The following HIF1AN variants were observed in gnomAD, a reference collection of about 807,000 sequenced individuals.
HIF1AN encodes the protein hypoxia-inducible factor 1-alpha inhibitor.
HIF1AN carries 21 observed loss-of-function variants against 47.7 expected under a neutral mutation model. That is an observed-to-expected ratio of 0.44 (90% CI 0.31 to 0.63). The LOEUF (loss-of-function observed/expected upper bound fraction) is 0.63, where lower values mean the gene tolerates loss of function less well. Among genes scored for constraint, HIF1AN ranks in the 30% least tolerant of loss-of-function variants. The probability of loss-of-function intolerance (pLI) is 0.07; values close to 1 mark genes in which losing one functional copy is unlikely to be tolerated. For missense variants in HIF1AN, 320 were observed against 432.7 expected (o/e 0.74, Z 2.31); for synonymous variants, 152 against 155.9 (o/e 0.98, Z 0.18).
rs1843088212 is a variant in HIF1AN, at chr10:100,545,842, T to G, written c.724-101T>G. ...ACTTTTTTTAAGGCATCGTTTTTTT[T>G]TTGTTTGTTTGTTTGTTTTTACTGC... is the stretch of plus-strand genomic sequence containing the variant. On this transcript the variant is annotated intron_variant, in intron 4 of 7. Transcript: ENST00000299163. The G allele has an allele frequency of 1.2e-5, 9 of 738,440 alleles. No homozygotes were observed. The South Asian group carries it at 1.5e-4, about 13-fold the overall frequency. 45.7% of individuals were successfully genotyped at this position (738,440 alleles called of 1,614,324 possible).
Position 100,552,247 on chromosome 10 carries a change from A to G in HIF1AN, c.*4110A>G, listed in dbSNP as rs1343251745. Reference sequence around the variant, plus strand: ...AGTGCCTTAGAGGATCCAAGGATGAAGGAATGCGGGTTGGTGGTTCTCTCT... The same window carrying G: ...AGTGCCTTAGAGGATCCAAGGATGAGGGAATGCGGGTTGGTGGTTCTCTCT... On this transcript the variant is annotated 3_prime_UTR_variant, in exon 8 of 8. Coordinates refer to ENST00000299163, the MANE Select transcript of HIF1AN (RefSeq NM_017902.3). 1.3e-5 allele frequency: 2 copies of G among 152,256 alleles called. No individual in the cohort carries two copies. Among genetic ancestry groups the G allele is most frequent in the African/African-American group, 4.8e-5 (2 of 41,458 alleles). 9.4% of individuals were successfully genotyped at this position (152,256 alleles called of 1,614,324 possible).
In HIF1AN at chr10:100,536,061, T is replaced by TA. The variant is rs1248064610; in HGVS notation, c.104dup (p.Tyr35Ter). 2 of 1,612,362 alleles carry TA rather than the reference T, an allele frequency of 1.2e-6. No homozygotes were observed. The highest frequency in any genetic ancestry group is 1.7e-6 in the Non-Finnish European group (2 of 1,179,508). Residue 35 changes from tyrosine (Y) to a stop codon, truncating the protein, a stop_gained and frameshift_variant, in exon 1 of 8, where the codon TAT becomes TAAT. Transcript: ENST00000299163. LOFTEE classifies it high-confidence loss of function. ...CTGGGATGAATCCCAGTTGCGCAGT[T>TA]ATAGCTTCCCGACTAGGCCCATTCC... is the stretch of plus-strand genomic sequence containing the variant. ...PAWDESQLRS[Y>*]SFPTRPIPRL...
Position 100,546,571 on chromosome 10 carries a change from T to C in HIF1AN, c.884T>C (p.Phe295Ser). The C allele has an allele frequency of 6.2e-7, 1 of 1,613,532 alleles. No individual in the cohort carries two copies. Among genetic ancestry groups the C allele is most frequent in the Non-Finnish European group, 8.5e-7 (1 of 1,179,678 alleles). ...LNGGITITVN[F>S]WYKGAPTPKR... is the part of the protein sequence containing the mutation. The stretch of plus-strand genomic sequence containing the variant: ...GGGGGGATTACCATCACTGTGAACT[T>C]CTGGTATAAGGTGAATATGGTTTGC... The change falls in exon 6 of 8, where the codon TTC (phenylalanine) becomes TCC (serine). Residue 295 changes from phenylalanine (F) to serine (S), a missense_variant. By Grantham distance (155) the Phe-to-Ser change is radical. Coordinates refer to ENST00000299163, the MANE Select transcript of HIF1AN (RefSeq NM_017902.3).
rs1185753700 is a variant in HIF1AN at position 100,536,785 on chromosome 10, G to C, written c.428+124G>C. 3 of 1,064,124 alleles carry C rather than the reference G, an allele frequency of 2.8e-6. No homozygotes were observed. In the African/African-American group the frequency reaches 4.7e-5, roughly 17 times the overall value. The allele number at this position is 1,064,124 out of a possible 1,614,324, so 65.9% of individuals were successfully genotyped here. On this transcript the variant is annotated intron_variant, in intron 2 of 7. Coordinates refer to ENST00000299163, the MANE Select transcript of HIF1AN (RefSeq NM_017902.3). ...TGGCCTCTCCCATCTCTGGATTCCA[G>C]TTGAAGGAGTAGTCTGGTCTTCCAG...
intron 4 of HIF1AN, chr10:100,545,619 G>T: frequency 3.8e-6 from 1 of 260,402 alleles, no homozygotes; most frequent in Non-Finnish European, 7.2e-6. Flanking sequence ...ATATGTTTTT[G>T]GGAAAAGTTT....
chr10:100,545,376 T>A, intron 4 of HIF1AN: 1 of 376,670 alleles, frequency 2.7e-6, no homozygotes, highest in Non-Finnish European at 4.8e-6. Flanking sequence ...TTGATTGGCT[T>A]ATAAGTTTAT....
chr10:100,545,414 A>G (rs1843084112), intron 4 of HIF1AN: 1 of 294,070 alleles, frequency 3.4e-6, no homozygotes, highest in South Asian at 1.1e-4. Context: ...TCTCCATTGG[A>G]TTTAATCATT....
In HIF1AN at chr10:100,536,001, GAGCCCCGGGAGGAGGCTGGAGCCCTC is replaced by G. The variant is rs1852213506; in HGVS notation, c.44_69del (p.Glu15GlyfsTer6). On this transcript the variant is annotated frameshift_variant, in exon 1 of 8. Coordinates refer to ENST00000299163, the MANE Select transcript of HIF1AN (RefSeq NM_017902.3). LOFTEE classifies it high-confidence loss of function. ...GGAGGCTGTGGCCTCTGGCTCTGGA[GAGCCCCGGGAGGAGGCTGGAGCCCTC>G]GGCCCCGCCTGGGATGAATCCCAGT... 6.4e-7 allele frequency: 1 copy of G among 1,567,954 alleles called. No homozygotes were observed. Among genetic ancestry groups the G allele is most frequent in the Non-Finnish European group, 8.6e-7 (1 of 1,158,048 alleles).
At chr10:100,545,916 T>C (rs774283974) in intron 4 of HIF1AN, 27 bp from the exon 5 acceptor site, 8 of 1,496,044 alleles carry the variant, frequency 5.3e-6, no homozygotes, top group Non-Finnish European at 6.5e-6. Context: ...TGATTGATAT[T>C]TTTTTTCTTT....
At position 100,559,677 on chromosome 10, in the gene HIF1AN, A is replaced by T. The variant is rs1589757815; in HGVS notation, c.*11540A>T. 1 of 152,184 alleles carries T rather than the reference A, an allele frequency of 6.6e-6. No homozygotes were observed. Among genetic ancestry groups the T allele is most frequent in the Non-Finnish European group, 1.5e-5 (1 of 68,038 alleles). The allele number at this position is 152,184 out of a possible 1,614,324, so 9.4% of individuals were successfully genotyped here. A position where few individuals can be genotyped will look rare whatever the true frequency, so the allele number is the denominator to read the frequency against. ...CAAGCAGTCCTGCCTCAGCCTCCCA[A>T]AGTTCTGGGATTACAGGCATAAGCC... On this transcript the variant is annotated 3_prime_UTR_variant, in exon 8 of 8. Transcript: ENST00000299163.
At chr10:100,538,837 G>T (rs1589750878) in intron 2 of HIF1AN, among the ~76,000 whole-genome samples, 1 of 134,892 alleles carries the variant, frequency 7.4e-6, no homozygotes. Context: ...AAAAAAAAAA[G>T]ATTTCTGATT....
Position 100,548,154 on chromosome 10 carries a change from G to A in HIF1AN, c.*17G>A. 6.2e-7 allele frequency: 1 copy of A among 1,601,114 alleles called. No individual in the cohort carries two copies. The highest frequency in any genetic ancestry group is 8.5e-7 in the Non-Finnish European group (1 of 1,173,316). On this transcript the variant is annotated 3_prime_UTR_variant, in exon 8 of 8. Coordinates refer to ENST00000299163, the MANE Select transcript of HIF1AN (RefSeq NM_017902.3). ...TACAACTAGCCTGCCAGGGGTCAAG[G>A]CCTCCTGCCAGGTGACTGCTATCCC...
chr10:100,538,619 G>A (rs1351530358), intron 2 of HIF1AN, among the ~76,000 whole-genome samples: 3 of 151,916 alleles, frequency 2.0e-5, no homozygotes, highest in Non-Finnish European at 4.4e-5. Flanking sequence ...TCAGGAGTTC[G>A]AGACCAGCGT....
In HIF1AN at chr10:100,551,360, A is replaced by T. The variant is rs929241567; in HGVS notation, c.*3223A>T. On this transcript the variant is annotated 3_prime_UTR_variant, in exon 8 of 8. Coordinates refer to ENST00000299163, the MANE Select transcript of HIF1AN (RefSeq NM_017902.3). ...TAGGAATGAGCGATCATTAATCTGA[A>T]TCTGTTAGGAGACAGAGAGGGGAAG... is the stretch of plus-strand genomic sequence containing the variant. The T allele has an allele frequency of 7.9e-5, 12 of 152,202 alleles. No individual in the cohort carries two copies. The highest frequency in any genetic ancestry group is 2.7e-4 in the African/African-American group (11 of 41,450). 9.4% of individuals were successfully genotyped at this position (152,202 alleles called of 1,614,324 possible). A position where few individuals can be genotyped will look rare whatever the true frequency, so the allele number is the denominator to read the frequency against.
chr10:100,537,324 C>T (rs1284452274), intron 2 of HIF1AN, among the ~76,000 whole-genome samples: 1 of 152,028 alleles, frequency 6.6e-6, no homozygotes, highest in African/African-American at 2.4e-5. Context: ...TTAAATGGAG[C>T]AACTAAATCA....
chr10:100,537,293 T>C (rs1852236557), intron 2 of HIF1AN, among the ~76,000 whole-genome samples: 1 of 152,236 alleles, frequency 6.6e-6, no homozygotes, highest in Admixed American at 6.5e-5. Flanking sequence ...AATCAGGATT[T>C]TTATTTAAAA....
At chr10:100,536,197 T>G (rs1589749942) in intron 1 of HIF1AN, 62 bp downstream of exon 1, 1 of 1,476,560 alleles carries the variant, frequency 6.8e-7, no homozygotes. Flanking sequence ...AGGTCAGAGG[T>G]GAATGGTGAA....
intron 2 of HIF1AN, among the ~76,000 whole-genome samples, chr10:100,539,542 A>G (rs1408937767): frequency 6.6e-6 from 1 of 152,180 alleles, no homozygotes; most frequent in African/African-American, 2.4e-5. Context: ...CACTTACTAC[A>G]TGTTGATCAT....
intron 2 of HIF1AN, among the ~76,000 whole-genome samples, chr10:100,537,108 G>T (rs1050258119): frequency 6.6e-6 from 1 of 152,146 alleles, no homozygotes. Flanking sequence ...TGGGAGGATT[G>T]CTTGAGTCCA....
Sources: gnomAD v4.1 joint callset for allele counts (sites outside exome capture counted in the v4.1 genomes callset) on GRCh38, gnomAD v4.1.1 for gene constraint, MANE v1.5 for transcripts, NCBI Gene and HGNC (gene_info 2026-07-23, HGNC 2026-07-21) for gene names.